The following SHANK2 variants were observed in gnomAD, a reference collection of about 807,000 sequenced individuals.
SHANK2 encodes the protein SH3 and multiple ankyrin repeat domains protein 2.
SHANK2 carries 43 observed loss-of-function variants against 133.7 expected under a neutral mutation model. That is an observed-to-expected ratio of 0.32 (90% CI 0.25 to 0.41). SHANK2 has a LOEUF of 0.41. Ranked by LOEUF, SHANK2 falls within the 10% of genes least tolerant of loss-of-function variation. The pLI, the probability that SHANK2 is intolerant of heterozygous loss-of-function variation, is 1.00. For synonymous variants in SHANK2, 1,017 were observed against 952.8 expected, an observed-to-expected ratio of 1.07 and a Z score of -1.24; for missense variants, 1,994 against 2,235.8, an observed-to-expected ratio of 0.89 and a Z score of 2.18.
intron 14 of SHANK2, among the ~76,000 whole-genome samples, chr11:70,792,683 G>A (rs1555048317): frequency 6.6e-6 from 1 of 152,214 alleles, no homozygotes; most frequent in African/African-American, 2.4e-5. Context: ...GTGCAAGCAA[G>A]GTCTACTGTG....
At chr11:71,102,473 G>A (rs1447405269) in intron 6 of SHANK2, among the ~76,000 whole-genome samples, 1 of 152,066 alleles carries the variant, frequency 6.6e-6, no homozygotes, top group African/African-American at 2.4e-5. Flanking sequence ...AGGTCTGCAG[G>A]GCCCGGGACT....
At chr11:71,060,863 G>C (rs915298114) in intron 9 of SHANK2, among the ~76,000 whole-genome samples, 22 of 152,192 alleles carry the variant, frequency 1.4e-4, no homozygotes, top group Non-Finnish European at 2.9e-5. Context: ...CAGGGTTTCA[G>C]GGTGGGAAAC....
intron 16 of SHANK2, among the ~76,000 whole-genome samples, chr11:70,660,487 TC>T (rs1266590394): frequency 6.6e-6 from 1 of 152,180 alleles, no homozygotes; most frequent in Non-Finnish European, 1.5e-5. Context: ...CTGTGACCAC[TC>T]TGTGTGTGAC....
At chr11:70,851,196 C>T (rs1034131064) in intron 11 of SHANK2, among the ~76,000 whole-genome samples, 4 of 151,128 alleles carry the variant, frequency 2.6e-5, no homozygotes, top group African/African-American at 9.7e-5. Context: ...CAAGAACAGA[C>T]TTTCCTTCAG....
intron 17 of SHANK2, among the ~76,000 whole-genome samples, chr11:70,552,067 C>T (rs1554978235): frequency 6.6e-6 from 1 of 152,204 alleles, no homozygotes; most frequent in East Asian, 1.9e-4. Context: ...CAGGCAGTAC[C>T]CAAGACCACG....
intron 15 of SHANK2, among the ~76,000 whole-genome samples, chr11:70,682,111 C>T (rs1280155828): frequency 2.6e-4 from 39 of 152,112 alleles, no homozygotes; most frequent in African/African-American, 8.9e-4. Context: ...ACCCACAGGC[C>T]AGGTTCCAGG....
At chr11:70,567,449 A>G (rs1180952159) in intron 17 of SHANK2, among the ~76,000 whole-genome samples, 2 of 152,064 alleles carry the variant, frequency 1.3e-5, no homozygotes, top group Non-Finnish European at 2.9e-5. Context: ...CAAAATGGTG[A>G]AATCCCGTCT....
chr11:71,088,019 C>T (rs910329277), intron 8 of SHANK2, among the ~76,000 whole-genome samples: 19 of 152,194 alleles, frequency 1.2e-4, no homozygotes, highest in African/African-American at 4.6e-4. Context: ...CTTCCTCTTC[C>T]TTGGGCGCTC....
chr11:71,095,059 T>A (rs1343215403), intron 6 of SHANK2, among the ~76,000 whole-genome samples: 1 of 152,194 alleles, frequency 6.6e-6, no homozygotes, highest in Admixed American at 6.5e-5. Flanking sequence ...AAAGCCCTCA[T>A]TAGAGATGGG....
chr11:70,780,230 C>T (rs1395229183), intron 14 of SHANK2, among the ~76,000 whole-genome samples: 3 of 152,088 alleles, frequency 2.0e-5, no homozygotes, highest in African/African-American at 7.2e-5. Flanking sequence ...TGGAGGGAGC[C>T]CTGGGGTTTT....
At chr11:70,941,556 T>C (rs12271540) in intron 10 of SHANK2, among the ~76,000 whole-genome samples, 13 of 152,202 alleles carry the variant, frequency 8.5e-5, no homozygotes, top group African/African-American at 2.9e-4. Flanking sequence ...GGCATTTGGA[T>C]TGGGACCTTT....
At chr11:70,797,428 G>A (rs1166939213) in intron 14 of SHANK2, among the ~76,000 whole-genome samples, 3 of 152,188 alleles carry the variant, frequency 2.0e-5, no homozygotes, top group East Asian at 1.9e-4. Context: ...GCTGATGCAC[G>A]AACTGAGTCC....
chr11:70,556,551 G>T (rs1442422231), intron 17 of SHANK2, among the ~76,000 whole-genome samples: 4 of 151,344 alleles, frequency 2.6e-5, no homozygotes, highest in African/African-American at 9.7e-5. Context: ...GACTAGCTGG[G>T]ACTACAGGGA....
chr11:71,168,718 A>G (rs7927148), intron 2 of SHANK2, among the ~76,000 whole-genome samples: 140,879 of 152,070 alleles, frequency 0.93, 65,770 homozygotes, highest in Non-Finnish European at 0.98. Context: ...ACAGGCAGTC[A>G]GCAGGCTGAG....
chr11:71,163,872 C>T (rs543287703), intron 2 of SHANK2, among the ~76,000 whole-genome samples: 16 of 152,256 alleles, frequency 1.1e-4, no homozygotes, highest in Admixed American at 3.3e-4. Context: ...TCTATACATG[C>T]GTGCTTTTTA....
chr11:70,907,462 C>T (rs1234561629), intron 10 of SHANK2, among the ~76,000 whole-genome samples: 7 of 152,190 alleles, frequency 4.6e-5, no homozygotes, highest in African/African-American at 1.2e-4. Context: ...AAGACAACCT[C>T]CCCCCTTCTC....
chr11:70,652,432 G>A (rs373070774), intron 17 of SHANK2, among the ~76,000 whole-genome samples: 18 of 152,124 alleles, frequency 1.2e-4, no homozygotes, highest in East Asian at 3.9e-4. Flanking sequence ...TATTATCCCC[G>A]TTTGTTCAAC....
chr11:70,856,064 T>C (rs1565363830), intron 11 of SHANK2, among the ~76,000 whole-genome samples: 1 of 149,612 alleles, frequency 6.7e-6, no homozygotes, highest in Non-Finnish European at 1.5e-5. Context: ...AGTGAATGGG[T>C]GGGTGGGTAA....
intron 6 of SHANK2, among the ~76,000 whole-genome samples, chr11:71,099,353 G>A (rs189435634): frequency 8.9e-4 from 136 of 152,284 alleles, no homozygotes; most frequent in African/African-American, 2.9e-3. Context: ...CGTACCATAC[G>A]ACTTCCGCTC....
Sources: gnomAD v4.1 joint callset for allele counts (sites outside exome capture counted in the v4.1 genomes callset) on GRCh38, gnomAD v4.1.1 for gene constraint, MANE v1.5 for transcripts, NCBI Gene and HGNC (gene_info 2026-07-23, HGNC 2026-07-21) for gene names.